Variants in MIR2052HG observed in about 807,000 individuals in gnomAD.
The protein encoded by MIR2052HG is MIR2052 host gene.
intron 4 of MIR2052HG, among the ~76,000 whole-genome samples, chr8:74,720,751 A>G (rs764906641): frequency 1.3e-5 from 2 of 152,094 alleles, no homozygotes; most frequent in African/African-American, 2.4e-5. Context: ...GTGTGTATGT[A>G]TATATATGTA....
chr8:74,656,794 G>A (rs925146734), intron 2 of MIR2052HG, among the ~76,000 whole-genome samples: 1 of 152,106 alleles, frequency 6.6e-6, no homozygotes, highest in Non-Finnish European at 1.5e-5. Context: ...GAATATATAA[G>A]CAAATGGTGG....
At chr8:74,641,701 TG>T (rs1317136759) in intron 2 of MIR2052HG, among the ~76,000 whole-genome samples, 3 of 152,128 alleles carry the variant, frequency 2.0e-5, no homozygotes, top group African/African-American at 4.8e-5. Flanking sequence ...AATACATTTG[TG>T]TTTGAATAAT....
At chr8:74,739,347 G>A (rs77834352) in intron 4 of MIR2052HG, among the ~76,000 whole-genome samples, 2 of 152,144 alleles carry the variant, frequency 1.3e-5, no homozygotes, top group Non-Finnish European at 2.9e-5. Flanking sequence ...CAGTGATGTG[G>A]AATTCTTACC....
chr8:74,700,508 G>T (rs1005512246), intron 2 of MIR2052HG, among the ~76,000 whole-genome samples: 3 of 152,082 alleles, frequency 2.0e-5, no homozygotes, highest in Non-Finnish European at 4.4e-5. Flanking sequence ...TATATCAAAT[G>T]ATTTCAATCC....
intron 2 of MIR2052HG, among the ~76,000 whole-genome samples, chr8:74,633,726 A>G (rs1448994465): frequency 6.6e-6 from 1 of 152,212 alleles, no homozygotes; most frequent in Non-Finnish European, 1.5e-5. Context: ...TACGCTAAAG[A>G]TAGTAACTTA....
intron 2 of MIR2052HG, among the ~76,000 whole-genome samples, chr8:74,698,107 T>C (rs995014921): frequency 6.6e-6 from 1 of 152,118 alleles, no homozygotes; most frequent in African/African-American, 2.4e-5. Context: ...CTTCAAACCA[T>C]ACTGTAAGGC....
intron 4 of MIR2052HG, among the ~76,000 whole-genome samples, chr8:74,704,919 TAA>T (rs1809394619): frequency 6.6e-6 from 1 of 152,144 alleles, no homozygotes; most frequent in Non-Finnish European, 1.5e-5. Flanking sequence ...ATTGTATTGT[TAA>T]AACATGTCCA....
chr8:74,756,152 A>T (rs1809998266), intron 5 of MIR2052HG, among the ~76,000 whole-genome samples: 1 of 152,240 alleles, frequency 6.6e-6, no homozygotes, highest in African/African-American at 2.4e-5. Flanking sequence ...AATTAGAATT[A>T]TAGTTTCATT....
intron 4 of MIR2052HG, among the ~76,000 whole-genome samples, chr8:74,727,609 T>C (rs186391014): frequency 6.6e-6 from 1 of 152,334 alleles, no homozygotes; most frequent in Non-Finnish European, 1.5e-5. Flanking sequence ...ACAAAGGATG[T>C]TAATGTGTTA....
chr8:74,647,712 G>T (rs779219046), intron 2 of MIR2052HG, among the ~76,000 whole-genome samples: 2 of 152,096 alleles, frequency 1.3e-5, no homozygotes, highest in East Asian at 3.9e-4. Context: ...TGGAGGGACC[G>T]GCTGAAGCTG....
intron 2 of MIR2052HG, among the ~76,000 whole-genome samples, chr8:74,654,790 G>A (rs1269797011): frequency 6.6e-6 from 1 of 152,158 alleles, no homozygotes; most frequent in Non-Finnish European, 1.5e-5. Context: ...ACCCGAAAAT[G>A]TGGAAGCGAC....
intron 2 of MIR2052HG, among the ~76,000 whole-genome samples, chr8:74,691,784 C>A (rs1353886359): frequency 6.6e-6 from 1 of 152,138 alleles, no homozygotes; most frequent in Non-Finnish European, 1.5e-5. Context: ...ACAAGTGAAA[C>A]CCATTTGTAG....
chr8:74,696,537 T>C (rs1426770942), intron 2 of MIR2052HG, among the ~76,000 whole-genome samples: 1 of 152,016 alleles, frequency 6.6e-6, no homozygotes, highest in East Asian at 1.9e-4. Context: ...AAAAGATGTT[T>C]TTTGAAAAGA....
intron 4 of MIR2052HG, among the ~76,000 whole-genome samples, chr8:74,735,047 C>T (rs1156460040): frequency 2.0e-5 from 3 of 152,178 alleles, no homozygotes; most frequent in Non-Finnish European, 1.5e-5. Flanking sequence ...TTGCTTTTTA[C>T]TCTGTAGTCT....
chr8:74,746,120 G>A (rs894412998), intron 4 of MIR2052HG, among the ~76,000 whole-genome samples: 4 of 152,130 alleles, frequency 2.6e-5, no homozygotes, highest in Non-Finnish European at 5.9e-5. Context: ...CCACAGACTT[G>A]AGGTCAATGA....
At chr8:74,636,036 C>T (rs984258822) in intron 2 of MIR2052HG, among the ~76,000 whole-genome samples, 1 of 152,184 alleles carries the variant, frequency 6.6e-6, no homozygotes, top group Non-Finnish European at 1.5e-5. Flanking sequence ...CCCTTCCTGG[C>T]TCATGTCTTG....
At chr8:74,665,785 T>A (rs1000104354) in intron 2 of MIR2052HG, among the ~76,000 whole-genome samples, 1 of 152,218 alleles carries the variant, frequency 6.6e-6, no homozygotes. Flanking sequence ...ATAATTCTCA[T>A]GTGTCCTTGG....
At chr8:74,757,432 A>G (rs1211365519) in intron 5 of MIR2052HG, 2 of 152,208 alleles carry the variant, frequency 1.3e-5, no homozygotes, top group Non-Finnish European at 2.9e-5. Context: ...TTATCATAGT[A>G]ACTTTTGCCC....
In MIR2052HG at chr8:74,745,635, A is replaced by G. The variant is rs1009366482; in HGVS notation, n.372-6806A>G. On this transcript the variant is annotated intron_variant and non_coding_transcript_variant, in intron 4 of 6. Coordinates refer to ENST00000523442, the Ensembl canonical transcript of MIR2052HG. ...ACAAAGAAAATAAAACGCATGGTCCAGGGACATTGAGGGGATTAGGGAATA... is the reference window on the plus strand; with the variant it reads ...ACAAAGAAAATAAAACGCATGGTCCGGGGACATTGAGGGGATTAGGGAATA... Among the ~76,000 whole-genome samples, 3 of 152,120 alleles carry G rather than the reference A, an allele frequency of 2.0e-5. No homozygotes were observed. In the South Asian group the frequency reaches 6.2e-4, roughly 31 times the overall value.
Sources: allele counts gnomAD v4.1 joint callset (sites outside exome capture counted in the v4.1 genomes callset), GRCh38; gene constraint gnomAD v4.1.1; transcripts MANE v1.5; gene names NCBI Gene and HGNC (gene_info 2026-07-23, HGNC 2026-07-21).